NPAS3: variants seen among roughly 807,000 people sequenced by gnomAD.
NPAS3 encodes the protein neuronal PAS domain-containing protein 3.
Under a neutral mutation model 73.1 loss-of-function variants are expected in NPAS3, and 14 were observed. That is an observed-to-expected ratio of 0.19 (90% CI 0.13 to 0.30). The LOEUF (loss-of-function observed/expected upper bound fraction) is 0.30. Ranked by LOEUF, NPAS3 falls within the 10% of genes least tolerant of loss-of-function variation. The probability of loss-of-function intolerance (pLI) is 1.00; values close to 1 mark genes in which losing one functional copy is unlikely to be tolerated. For missense variants in NPAS3, 1,096 were observed against 1,250.0 expected (o/e 0.88, Z 1.86); for synonymous variants, 620 against 541.5 (o/e 1.14, Z -2.01).
intron 4 of NPAS3, among the ~76,000 whole-genome samples, chr14:33,541,831 C>T (rs1229025791): frequency 6.6e-6 from 1 of 152,166 alleles, no homozygotes; most frequent in Non-Finnish European, 1.5e-5. Context: ...GCTGTAGTTT[C>T]CAATTTACCA....
At chr14:33,645,981 G>GTCTT (rs1441113311) in intron 5 of NPAS3, among the ~76,000 whole-genome samples, 1 of 152,224 alleles carries the variant, frequency 6.6e-6, no homozygotes, top group Non-Finnish European at 1.5e-5. Context: ...TGAAATGTAT[G>GTCTT]TCTTTGCAAG....
chr14:33,154,278 C>A (rs946790447), intron 2 of NPAS3, among the ~76,000 whole-genome samples: 1 of 152,148 alleles, frequency 6.6e-6, no homozygotes, highest in African/African-American at 2.4e-5. Flanking sequence ...ATTAGTTGGC[C>A]CTTCATGAGT....
At chr14:33,078,028 A>G (rs551598086) in intron 2 of NPAS3, among the ~76,000 whole-genome samples, 8 of 151,728 alleles carry the variant, frequency 5.3e-5, no homozygotes, top group Non-Finnish European at 1.0e-4. Context: ...AGTCCCAGCT[A>G]CTCCAGAGGC....
intron 1 of NPAS3, among the ~76,000 whole-genome samples, chr14:33,037,016 TG>T (rs2040191910): frequency 6.6e-6 from 1 of 152,198 alleles, no homozygotes; most frequent in Non-Finnish European, 1.5e-5. Context: ...TGTAGATTTT[TG>T]TTTGGAAATT....
chr14:32,978,769 A>T (rs1227131194), intron 1 of NPAS3, among the ~76,000 whole-genome samples: 1 of 152,214 alleles, frequency 6.6e-6, no homozygotes, highest in African/African-American at 2.4e-5. Context: ...TATTAGAGAA[A>T]CACTGAATGG....
rs182711062 is a variant in NPAS3, at chr14:33,357,845, C to T, written c.386-9341C>T. 1.2e-3 allele frequency among the ~76,000 whole-genome samples: 183 copies of T among 152,290 alleles called. 1 individual carries two copies. Among genetic ancestry groups the T allele is most frequent in the Non-Finnish European group, 2.0e-3 (137 of 68,036 alleles). On this transcript the variant is annotated intron_variant, in intron 3 of 11. Transcript: ENST00000356141. ...GGGCGGGACATGTCACATGTCCTCA[C>T]AACTGCTGTGAGAGGCATTAACCCT... is the stretch of plus-strand genomic sequence containing the variant.
intron 4 of NPAS3, among the ~76,000 whole-genome samples, chr14:33,493,043 G>T (rs935297070): frequency 1.3e-5 from 2 of 152,120 alleles, no homozygotes; most frequent in African/African-American, 2.4e-5. Context: ...CTGATGAGGG[G>T]AGTTTTACAA....
At chr14:33,067,585 A>G (rs2138622064) in intron 2 of NPAS3, among the ~76,000 whole-genome samples, 1 of 152,366 alleles carries the variant, frequency 6.6e-6, no homozygotes, top group South Asian at 2.1e-4. Flanking sequence ...CACTCCCATG[A>G]GCATTCCCAA....
chr14:33,388,634 G>T (rs910688376), intron 4 of NPAS3, among the ~76,000 whole-genome samples: 2 of 152,090 alleles, frequency 1.3e-5, no homozygotes, highest in African/African-American at 2.4e-5. Flanking sequence ...TAGTGAGATT[G>T]CAATGGAGAA....
intron 4 of NPAS3, among the ~76,000 whole-genome samples, chr14:33,510,251 G>A (rs768986474): frequency 2.0e-4 from 31 of 152,118 alleles, no homozygotes; most frequent in Non-Finnish European, 3.8e-4. Flanking sequence ...CCTAAAATGT[G>A]TTTGCTTAAA....
At chr14:33,289,993 T>A (rs2042035303) in intron 3 of NPAS3, among the ~76,000 whole-genome samples, 1 of 152,180 alleles carries the variant, frequency 6.6e-6, no homozygotes. Context: ...CTTCTGACCA[T>A]CTTTTTAGGG....
chr14:32,971,488 G>A (rs970424441), intron 1 of NPAS3, among the ~76,000 whole-genome samples: 4 of 152,170 alleles, frequency 2.6e-5, no homozygotes, highest in African/African-American at 9.7e-5. Flanking sequence ...AAGCAGGACT[G>A]TAAATTATAA....
In NPAS3 at chr14:33,433,736, G is replaced by T. The variant is rs1049539655; in HGVS notation, c.468+66468G>T. Among the ~76,000 whole-genome samples the T allele has an allele frequency of 7.1e-4, 108 of 152,162 alleles. 1 individual carries two copies. The highest frequency in any genetic ancestry group is 2.6e-3 in the African/African-American group (106 of 41,440). On this transcript the variant is annotated intron_variant, in intron 4 of 11. Transcript: ENST00000356141. ...GTTTTAGGCAATAGCTCATCTTTCA[G>T]ACTTTGGAGTTAAGCCCTAACTCTA...
At chr14:33,631,736 C>CAAAT (rs1321677806) in intron 5 of NPAS3, among the ~76,000 whole-genome samples, 3 of 152,256 alleles carry the variant, frequency 2.0e-5, no homozygotes, top group East Asian at 3.9e-4. Context: ...TGCCCATTAG[C>CAAAT]AAATAACTCT....
At chr14:33,658,483 T>C (rs749428148) in intron 5 of NPAS3, among the ~76,000 whole-genome samples, 6 of 152,200 alleles carry the variant, frequency 3.9e-5, no homozygotes, top group Non-Finnish European at 7.4e-5. Flanking sequence ...AACACAGTGG[T>C]TCTCCCTCTA....
At chr14:33,438,876 T>C (rs1451400612) in intron 4 of NPAS3, among the ~76,000 whole-genome samples, 1 of 152,220 alleles carries the variant, frequency 6.6e-6, no homozygotes, top group Non-Finnish European at 1.5e-5. Context: ...TATTTTTGCT[T>C]CTGTATGACA....
At chr14:33,677,444 T>C (rs2059800838) in intron 6 of NPAS3, among the ~76,000 whole-genome samples, 1 of 152,234 alleles carries the variant, frequency 6.6e-6, no homozygotes, top group South Asian at 2.1e-4. Flanking sequence ...TCAAAGATGC[T>C]TGTACTTTAC....
intron 2 of NPAS3, among the ~76,000 whole-genome samples, chr14:33,065,118 C>T (rs1466126266): frequency 6.6e-6 from 1 of 152,134 alleles, no homozygotes; most frequent in Admixed American, 6.6e-5. Context: ...TAGTGATATA[C>T]TCATTAGTGA....
At chr14:33,583,415 A>C (rs2056753408) in intron 5 of NPAS3, 1 of 152,196 alleles carries the variant, frequency 6.6e-6, no homozygotes, top group South Asian at 2.1e-4. Context: ...GGTAACTATA[A>C]ATCAGTCTCT....
Sources: allele counts gnomAD v4.1 joint callset (sites outside exome capture counted in the v4.1 genomes callset), GRCh38; gene constraint gnomAD v4.1.1; transcripts MANE v1.5; gene names NCBI Gene and HGNC (gene_info 2026-07-23, HGNC 2026-07-21).